The following TRAPPC9 variants were observed in gnomAD, a reference collection of about 807,000 sequenced individuals.
TRAPPC9 encodes trafficking protein particle complex subunit 9.
Under a neutral mutation model 124.0 loss-of-function variants are expected in TRAPPC9, and 83 were observed. That is an observed-to-expected ratio of 0.67 (90% confidence interval 0.56 to 0.80). TRAPPC9 has a LOEUF of 0.80. TRAPPC9 is among the 30% of genes least tolerant of loss of function. The pLI is 0.00. For missense variants in TRAPPC9, 1,302 were observed against 1,508.3 expected (o/e 0.86, Z 2.27); for synonymous variants, 638 against 617.5 (o/e 1.03, Z -0.49).
At chr8:139,985,350 A>G (rs1587415660) in intron 19 of TRAPPC9, among the ~76,000 whole-genome samples, 1 of 152,182 alleles carries the variant, frequency 6.6e-6, no homozygotes, top group African/African-American at 2.4e-5. Flanking sequence ...CTTGGACTAC[A>G]TCAAGTTATT....
chr8:140,317,299 G>A (rs771422156), intron 9 of TRAPPC9, among the ~76,000 whole-genome samples: 3 of 152,050 alleles, frequency 2.0e-5, no homozygotes, highest in Non-Finnish European at 2.9e-5. Flanking sequence ...TGCAGTGTTA[G>A]ACTGTTTATT....
chr8:139,987,569 A>G (rs566808996), intron 19 of TRAPPC9, among the ~76,000 whole-genome samples: 2 of 148,932 alleles, frequency 1.3e-5, no homozygotes, highest in African/African-American at 2.5e-5. Context: ...GAGAGAGAGA[A>G]AGATCTGGGG....
intron 1 of TRAPPC9, among the ~76,000 whole-genome samples, chr8:140,453,449 T>C (rs1277475206): frequency 1.4e-5 from 2 of 146,534 alleles, no homozygotes; most frequent in African/African-American, 5.1e-5. Context: ...AAGACCTCTG[T>C]GAAATTCTAA....
intron 2 of TRAPPC9, among the ~76,000 whole-genome samples, chr8:140,445,769 G>A (rs192045438): frequency 1.1e-3 from 164 of 152,332 alleles, no homozygotes; most frequent in Admixed American, 2.6e-3. Flanking sequence ...AGCAAATGAA[G>A]AAAGAAAGTG....
chr8:140,300,059 C>T (rs1226480359), intron 11 of TRAPPC9, among the ~76,000 whole-genome samples: 1 of 152,176 alleles, frequency 6.6e-6, no homozygotes, highest in African/African-American at 2.4e-5. Context: ...TTCTGGTTTC[C>T]AGAACTTTCA....
At chr8:139,882,608 C>T (rs1829739740) in intron 21 of TRAPPC9, among the ~76,000 whole-genome samples, 2 of 152,170 alleles carry the variant, frequency 1.3e-5, no homozygotes, top group Non-Finnish European at 2.9e-5. Flanking sequence ...CAGGCCTGGT[C>T]CCACCACTGG....
intron 19 of TRAPPC9, among the ~76,000 whole-genome samples, chr8:139,918,378 C>T (rs2131322211): frequency 6.6e-6 from 1 of 152,378 alleles, no homozygotes; most frequent in South Asian, 2.1e-4. Flanking sequence ...GCCCCCGACC[C>T]TGCACTGGGA....
chr8:140,366,290 A>G (rs1254646158), intron 8 of TRAPPC9, among the ~76,000 whole-genome samples: 1 of 152,178 alleles, frequency 6.6e-6, no homozygotes, highest in Non-Finnish European at 1.5e-5. Flanking sequence ...TCTATTATAA[A>G]ATTTTTTAAT....
intron 9 of TRAPPC9, among the ~76,000 whole-genome samples, chr8:140,352,944 T>A (rs1015297747): frequency 6.6e-6 from 1 of 152,180 alleles, no homozygotes; most frequent in Admixed American, 6.5e-5. Flanking sequence ...CATCTTATGA[T>A]ATTTACTAAG....
intron 21 of TRAPPC9, among the ~76,000 whole-genome samples, chr8:139,784,088 T>C (rs1301611876): frequency 6.6e-6 from 1 of 152,228 alleles, no homozygotes; most frequent in Non-Finnish European, 1.5e-5. Flanking sequence ...TCAGAAAATT[T>C]CTTATTCTCA....
chr8:139,815,851 C>T (rs566750739), intron 21 of TRAPPC9, among the ~76,000 whole-genome samples: 14 of 152,216 alleles, frequency 9.2e-5, no homozygotes, highest in South Asian at 2.1e-4. Flanking sequence ...TGTGCAAACA[C>T]GGGTGGCTCT....
At chr8:140,217,774 G>C (rs2063231403) in intron 17 of TRAPPC9, among the ~76,000 whole-genome samples, 1 of 152,138 alleles carries the variant, frequency 6.6e-6, no homozygotes, top group Non-Finnish European at 1.5e-5. Context: ...CCAGCACTTT[G>C]GGAGGCCAAG....
intron 21 of TRAPPC9, among the ~76,000 whole-genome samples, chr8:139,828,074 A>G (rs138060868): frequency 1.3e-5 from 2 of 152,038 alleles, no homozygotes; most frequent in East Asian, 3.9e-4. Context: ...CAACAGTGGG[A>G]ATTCCATTTT....
At position 140,323,628 on chromosome 8, in the gene TRAPPC9, AG is replaced by A. The variant is rs1193985318; in HGVS notation, c.1496-12255del. ...TCCTTAAACACATTTTGGCAACCAG[AG>A]GTCACAGAAATTTTCTGTGTTGGTT... is the stretch of plus-strand genomic sequence containing the variant. On this transcript the variant is annotated intron_variant, in intron 9 of 22. Coordinates refer to ENST00000438773, the MANE Select transcript of TRAPPC9 (RefSeq NM_001160372.4). 2.0e-5 allele frequency among the ~76,000 whole-genome samples: 3 copies of A among 152,202 alleles called. No individual in the cohort carries two copies. In the East Asian group the frequency reaches 5.8e-4, roughly 29 times the overall value.
Position 139,988,847 on chromosome 8 carries a change from G to C in TRAPPC9, c.2700-11C>G, listed in dbSNP as rs1179747735. ...TGACACTGCCGGGTACTGCGTTAAA[G>C]AAAAAAGAAAGTTCAGAATCCTCTG... is the stretch of plus-strand genomic sequence containing the variant. On this transcript the variant is annotated splice_polypyrimidine_tract_variant and intron_variant, in intron 18 of 22. Coordinates refer to ENST00000438773, the MANE Select transcript of TRAPPC9 (RefSeq NM_001160372.4). The C allele has an allele frequency of 1.3e-6, 2 of 1,529,480 alleles. 1 individual carries two copies. Among genetic ancestry groups the C allele is most frequent in the Non-Finnish European group, 1.8e-6 (2 of 1,127,688 alleles). 94.7% of individuals were successfully genotyped at this position (1,529,480 alleles called of 1,614,324 possible). A position where few individuals can be genotyped will look rare whatever the true frequency, so the allele number is the denominator to read the frequency against.
At chr8:140,075,692 A>G (rs1237944462) in intron 17 of TRAPPC9, among the ~76,000 whole-genome samples, 1 of 152,026 alleles carries the variant, frequency 6.6e-6, no homozygotes, top group Non-Finnish European at 1.5e-5. Context: ...TCCTATAACC[A>G]CTTTTCCATA....
chr8:140,409,415 T>G (rs1270996047), intron 5 of TRAPPC9, among the ~76,000 whole-genome samples: 1 of 152,194 alleles, frequency 6.6e-6, no homozygotes, highest in African/African-American at 2.4e-5. Context: ...AACACTACAT[T>G]TATGTTTACT....
At chr8:139,892,935 C>G (rs1455109667) in intron 20 of TRAPPC9, among the ~76,000 whole-genome samples, 1 of 152,228 alleles carries the variant, frequency 6.6e-6, no homozygotes, top group Non-Finnish European at 1.5e-5. Context: ...GCAGTGTTCA[C>G]AGCCTCAGTC....
intron 21 of TRAPPC9, among the ~76,000 whole-genome samples, chr8:139,805,810 G>A (rs750310733): frequency 2.6e-5 from 4 of 152,114 alleles, no homozygotes; most frequent in Non-Finnish European, 5.9e-5. Context: ...TACACAGAAC[G>A]AAGAAGGAGG....
Sources: gnomAD v4.1 joint callset for allele counts (sites outside exome capture counted in the v4.1 genomes callset) on GRCh38, gnomAD v4.1.1 for gene constraint, MANE v1.5 for transcripts, NCBI Gene and HGNC (gene_info 2026-07-23, HGNC 2026-07-21) for gene names.